The following GBF1 variants were observed in gnomAD, a reference collection of about 807,000 sequenced individuals.
The protein encoded by GBF1 is golgi brefeldin A resistant guanine nucleotide exchange factor 1.
A neutral mutation model predicts 210.5 loss-of-function variants in GBF1; 114 were observed. The observed-to-expected ratio is 0.54, with a 90% CI of 0.47 to 0.63. The LOEUF (loss-of-function observed/expected upper bound fraction) is 0.63. Ranked by LOEUF, GBF1 falls within the 30% of genes least tolerant of loss-of-function variation. GBF1 has a pLI of 0.00. For synonymous variants in GBF1, 850 were observed against 889.2 expected (o/e 0.96, Z 0.78); for missense variants, 1,851 against 2,357.7 (o/e 0.79, Z 4.45).
At chr10:102,367,411 C>T (rs928654082) in intron 20 of GBF1, 67 bp from the exon 21 acceptor site, 47 of 1,218,882 alleles carry the variant, frequency 3.9e-5, no homozygotes, top group Non-Finnish European at 5.2e-5. Context: ...TACTGAAAAC[C>T]CAGGAGTTCC....
intron 12 of GBF1, 29 bp from the exon 13 acceptor site, chr10:102,360,991 AAC>A: frequency 3.4e-6 from 4 of 1,167,958 alleles, no homozygotes; most frequent in Non-Finnish European, 5.0e-6. Flanking sequence ...AAAAAAAAAA[AAC>A]TCATGGCCTA....
At position 102,376,592 on chromosome 10, in the gene GBF1, A is replaced by G. The variant is rs772690541; in HGVS notation, c.4080A>G (p.Pro1360=). 3.2e-5 allele frequency: 52 copies of G among 1,613,668 alleles called. No individual in the cohort carries two copies. The highest frequency in any genetic ancestry group is 1.3e-4 in the South Asian group (12 of 91,080). The change falls in exon 32 of 40, where the codon CCA becomes CCG. Residue 1360 remains proline, a synonymous_variant. Transcript: ENST00000369983. Reference sequence around the variant, plus strand: ...AGGATGACGTTGATAACTCCAAGCCAGGGCCCAGCCGCCCAGGCCCTTCAC... The same window carrying G: ...AGGATGACGTTGATAACTCCAAGCCGGGGCCCAGCCGCCCAGGCCCTTCAC... ...VGKDDVDNSK[P]GPSRPGPSPL... is the part of the protein sequence containing the mutation.
rs1443659284 is a variant in GBF1 at position 102,331,063 on chromosome 10, C to T, written c.164-12988C>T. Among the ~76,000 whole-genome samples the T allele has an allele frequency of 2.6e-5, 4 of 152,166 alleles. No individual in the cohort carries two copies. The East Asian group carries it at 7.8e-4, about 30-fold the overall frequency. On this transcript the variant is annotated intron_variant, in intron 3 of 39. Transcript: ENST00000369983. ...GGAGCAGAGATTTACGGAAAGCAGC[C>T]TGCTCTGAGATACACATGCTGTTAG...
chr10:102,341,438 T>TG (rs879553370), intron 3 of GBF1, among the ~76,000 whole-genome samples: 3 of 152,222 alleles, frequency 2.0e-5, no homozygotes, highest in Non-Finnish European at 4.4e-5. Flanking sequence ...ATCCTACCCC[T>TG]GGGTACTTAC....
intron 3 of GBF1, among the ~76,000 whole-genome samples, chr10:102,293,764 G>GTATTTTTTTTTTTTTTTTT (rs2076641356): frequency 2.0e-5 from 1 of 50,888 alleles, no homozygotes; most frequent in Non-Finnish European, 4.2e-5. Flanking sequence ...GCTGTAGTAT[G>GTATTTTTTTTTTTTTTTTT]TTTTGTGTTT....
chr10:102,380,317 G>A lies in GBF1; in HGVS notation c.4947G>A (p.Leu1649=). 7 of 1,613,988 alleles carry A rather than the reference G, an allele frequency of 4.3e-6. No homozygotes were observed. The highest frequency in any genetic ancestry group is 5.1e-6 in the Non-Finnish European group (6 of 1,179,932). ...TTGCGGCCCTCTGGCTCACCATCTTGGACTTCATGGACAAGTACATGCACG... is the reference window on the plus strand; with the variant it reads ...TTGCGGCCCTCTGGCTCACCATCTTAGACTTCATGGACAAGTACATGCACG... ...STFAALWLTI[L]DFMDKYMHAG... is the part of the protein sequence containing the mutation. Residue 1649 remains leucine, a synonymous_variant, in exon 37 of 40, where the codon TTG becomes TTA. Transcript: ENST00000369983.
intron 7 of GBF1, among the ~76,000 whole-genome samples, chr10:102,353,071 GC>G (rs1367533965): frequency 6.6e-6 from 1 of 152,042 alleles, no homozygotes; most frequent in Non-Finnish European, 1.5e-5. Context: ...AAGAGCTGAG[GC>G]AATGGCTTTA....
chr10:102,253,658 C>T (rs2071923036), intron 1 of GBF1, among the ~76,000 whole-genome samples: 1 of 152,042 alleles, frequency 6.6e-6, no homozygotes, highest in Non-Finnish European at 1.5e-5. Context: ...GGACTACAGG[C>T]ACATGCCACC....
intron 3 of GBF1, among the ~76,000 whole-genome samples, chr10:102,268,685 T>A (rs563636139): frequency 1.2e-4 from 18 of 152,104 alleles, no homozygotes; most frequent in Non-Finnish European, 2.4e-4. Context: ...AGAAGCCAAA[T>A]GCTTGAAATT....
chr10:102,330,297 G>T (rs2057238557), intron 3 of GBF1, among the ~76,000 whole-genome samples: 1 of 152,120 alleles, frequency 6.6e-6, no homozygotes, highest in African/African-American at 2.4e-5. Flanking sequence ...TAGAGCCTCG[G>T]TGTCCTTATC....
chr10:102,236,239 G>A, the GBF1 span, among the ~76,000 whole-genome samples: 1 of 152,210 alleles, frequency 6.6e-6, no homozygotes, highest in Non-Finnish European at 1.5e-5. Flanking sequence ...AGTTGGGACT[G>A]AGGCCAGGGA....
the GBF1 span, among the ~76,000 whole-genome samples, chr10:102,236,543 T>A: frequency 6.6e-6 from 1 of 152,104 alleles, no homozygotes; most frequent in African/African-American, 2.4e-5. Context: ...CAGGCTGGAA[T>A]TACAGGAAGC....
chr10:102,246,514 A>C (rs2070849215), intron 1 of GBF1, among the ~76,000 whole-genome samples: 1 of 152,206 alleles, frequency 6.6e-6, no homozygotes, highest in Non-Finnish European at 1.5e-5. Context: ...ATGAGGCTTA[A>C]TCATAAGGAA....
Position 102,376,656 on chromosome 10 carries a change from T to A in GBF1, c.4144T>A (p.Leu1382Met), listed in dbSNP as rs1460135498. ...ATACAGCCTAACAGTGGGACTGGAT[T>A]TGGGGCCACACGACACTAAGTCTCT... ...NQYSLTVGLD[L>M]GPHDTKSLLK... Residue 1382 changes from leucine to methionine, a missense_variant, in exon 32 of 40, where the codon TTG (leucine) becomes ATG (methionine). Physicochemically the swap from Leu to Met is conservative, Grantham distance 15. Around this residue, in one of 3 missense-constraint regions of GBF1, gnomAD observed 967 missense variants for 1,247.7 expected, o/e 0.78. Coordinates refer to ENST00000369983, the MANE Select transcript of GBF1 (RefSeq NM_001377137.1). The A allele has an allele frequency of 7.4e-6, 12 of 1,613,842 alleles. No homozygotes were observed. Among genetic ancestry groups the A allele is most frequent in the Admixed American group, 1.7e-5 (1 of 59,974 alleles).
At chr10:102,314,677 T>C (rs534824635) in intron 3 of GBF1, among the ~76,000 whole-genome samples, 2 of 152,332 alleles carry the variant, frequency 1.3e-5, no homozygotes, top group Non-Finnish European at 2.9e-5. Flanking sequence ...TAGCCATGCC[T>C]GCCATATAAC....
chr10:102,356,803 T>C (rs1589759899), intron 8 of GBF1, among the ~76,000 whole-genome samples: 1 of 147,028 alleles, frequency 6.8e-6, no homozygotes, highest in Admixed American at 6.8e-5. Flanking sequence ...CTAAACAAAG[T>C]AACTTTGAAC....
the GBF1 span, among the ~76,000 whole-genome samples, chr10:102,232,661 G>A: frequency 0.04 from 6,138 of 152,266 alleles, 182 homozygotes; most frequent in Non-Finnish European, 0.06. Flanking sequence ...CAGCCTGGGT[G>A]ACAGAGCAAG....
intron 3 of GBF1, among the ~76,000 whole-genome samples, chr10:102,334,815 C>T (rs536886182): frequency 6.6e-6 from 1 of 151,678 alleles, no homozygotes; most frequent in East Asian, 1.9e-4. Flanking sequence ...CACCATTGCA[C>T]TCCAGGCTGG....
intron 3 of GBF1, among the ~76,000 whole-genome samples, chr10:102,291,894 T>TC (rs1565068785): frequency 6.7e-6 from 1 of 149,704 alleles, no homozygotes; most frequent in African/African-American, 2.4e-5. Flanking sequence ...ACTTTTCTTT[T>TC]TTTTTTTTTT....
Sources: gnomAD v4.1 joint callset for allele counts (sites outside exome capture counted in the v4.1 genomes callset) on GRCh38, gnomAD v4.1.1 for gene constraint, gnomAD v4.1.1 regional missense constraint, MANE v1.5 for transcripts, NCBI Gene and HGNC (gene_info 2026-07-23, HGNC 2026-07-21) for gene names.